Variants in ATXN10 observed in about 807,000 individuals in gnomAD.
ATXN10 encodes ataxin 10.
A neutral mutation model predicts 52.9 loss-of-function variants in ATXN10; 28 were observed. The observed-to-expected ratio is 0.53, with a 90% CI of 0.39 to 0.73. The LOEUF is 0.73. Among genes scored for constraint, ATXN10 ranks in the 30% least tolerant of loss-of-function variants. The probability of loss-of-function intolerance (pLI) is 0.00; values close to 1 mark genes in which losing one functional copy is unlikely to be tolerated. For synonymous variants in ATXN10, 226 were observed against 221.5 expected, an observed-to-expected ratio of 1.02 and a Z score of -0.18; for missense variants, 565 against 577.0, an observed-to-expected ratio of 0.98 and a Z score of 0.21.
In ATXN10 at chr22:45,738,752, C is replaced by G; in HGVS notation, c.916C>G (p.Leu306Val). The change falls in exon 8 of 12, where the codon CTT becomes GTT. Residue 306 changes from leucine to valine, a missense_variant. Physicochemically the swap from Leu to Val is conservative, Grantham distance 32. Coordinates refer to ENST00000252934, the MANE Select transcript of ATXN10 (RefSeq NM_013236.4). ...CTAGGAGGCACTGGCTACAATTAGG[C>G]TTCTCGACGTCCTGTGCGAAATGAC... ...DDEEALATIR[L>V]LDVLCEMTVN... 6.2e-7 allele frequency: 1 copy of G among 1,614,032 alleles called. No individual in the cohort carries two copies. Among genetic ancestry groups the G allele is most frequent in the African/African-American group, 1.3e-5 (1 of 75,032 alleles).
Position 45,708,512 on chromosome 22 carries a change from C to T in ATXN10, c.647+5665C>T, listed in dbSNP as rs757922917. On this transcript the variant is annotated intron_variant, in intron 5 of 11. Transcript: ENST00000252934. This position sits in a 1 kb window ranked among gnomAD's most constrained non-coding sequence, Gnocchi z 5.3. ...GCAGAGGCAGCATTGCAAGTGATGCCAAACTCGAGGGCCTATCCCATTTTT... is the reference window on the plus strand; with the variant it reads ...GCAGAGGCAGCATTGCAAGTGATGCTAAACTCGAGGGCCTATCCCATTTTT... Among the ~76,000 whole-genome samples, 7 of 152,208 alleles carry T rather than the reference C, an allele frequency of 4.6e-5. No homozygotes were observed. The highest frequency in any genetic ancestry group is 8.8e-5 in the Non-Finnish European group (6 of 68,030).
chr22:45,692,925 G>A, intron 2 of ATXN10, 71 bp from the exon 3 acceptor site: 2 of 1,267,802 alleles, frequency 1.6e-6, no homozygotes, highest in African/African-American at 2.9e-5. Context: ...TCCCATTGTA[G>A]TGCAAAAACA....
intron 7 of ATXN10, among the ~76,000 whole-genome samples, chr22:45,737,553 T>A (rs1383768070): frequency 6.6e-6 from 1 of 152,198 alleles, no homozygotes; most frequent in Non-Finnish European, 1.5e-5. Context: ...AAATATGAGT[T>A]GTTTTTTGCT....
In ATXN10 at chr22:45,837,133, T is replaced by TA; in HGVS notation, c.1238-5858_1238-5857insA. 6.6e-6 allele frequency among the ~76,000 whole-genome samples: 1 copy of TA among 152,336 alleles called. No individual in the cohort carries two copies. The highest frequency in any genetic ancestry group is 2.1e-4 in the South Asian group (1 of 4,828). On this transcript the variant is annotated intron_variant, in intron 10 of 11. Transcript: ENST00000252934. The surrounding 1 kb of genome is among the most constrained non-coding windows in gnomAD (Gnocchi z 5.8). ...ATATTACATATAATATATGTATCTG[T>TA]TATACAGATATTATAAATAAAGTCC...
At chr22:45,746,833 A>G (rs1027918365) in intron 9 of ATXN10, among the ~76,000 whole-genome samples, 1 of 152,142 alleles carries the variant, frequency 6.6e-6, no homozygotes, top group African/African-American at 2.4e-5. Context: ...CTGTGGGTAA[A>G]TAGGTTATGG....
chr22:45,687,428 T>C (rs574288660), intron 1 of ATXN10, among the ~76,000 whole-genome samples: 49 of 152,192 alleles, frequency 3.2e-4, no homozygotes, highest in Non-Finnish European at 5.9e-4. Flanking sequence ...GTGGTTCCCA[T>C]ATAAGAGGCA....
chr22:45,711,555 G>A (rs564390867), intron 5 of ATXN10, among the ~76,000 whole-genome samples: 7 of 152,278 alleles, frequency 4.6e-5, no homozygotes, highest in Admixed American at 4.6e-4. Flanking sequence ...TCCGCACATC[G>A]TGTCACTGTC....
At chr22:45,815,766 C>G (rs1928438237) in intron 10 of ATXN10, among the ~76,000 whole-genome samples, 1 of 152,204 alleles carries the variant, frequency 6.6e-6, no homozygotes, top group South Asian at 2.1e-4. Context: ...CCAGCTTTCT[C>G]TCACTCCAAG....
chr22:45,673,129 T>C (rs1053571076), intron 1 of ATXN10: 4 of 152,210 alleles, frequency 2.6e-5, no homozygotes, highest in African/African-American at 9.7e-5. Flanking sequence ...TACCTGTACA[T>C]AGCACTAAAT....
intron 9 of ATXN10, among the ~76,000 whole-genome samples, chr22:45,785,469 A>T (rs923910969): frequency 1.3e-5 from 2 of 152,258 alleles, no homozygotes; most frequent in South Asian, 4.1e-4. Context: ...TGCAACAAAA[A>T]TGCCCTAAGT....
chr22:45,710,340 A>G (rs1924198246), intron 5 of ATXN10, among the ~76,000 whole-genome samples: 1 of 152,136 alleles, frequency 6.6e-6, no homozygotes, highest in African/African-American at 2.4e-5. Flanking sequence ...ACCTTCCTTT[A>G]GATCTTCCCA....
intron 10 of ATXN10, among the ~76,000 whole-genome samples, chr22:45,822,290 C>T (rs1011904033): frequency 5.9e-5 from 9 of 152,134 alleles, no homozygotes; most frequent in African/African-American, 2.2e-4. Context: ...ATGTGTCCTG[C>T]TACACATATG....
intron 6 of ATXN10, among the ~76,000 whole-genome samples, chr22:45,721,815 T>G (rs1295235115): frequency 6.6e-6 from 1 of 152,162 alleles, no homozygotes; most frequent in Non-Finnish European, 1.5e-5. Flanking sequence ...CTCGGGAGGC[T>G]AAGCCAGGAG....
At chr22:45,809,507 C>T (rs1035741761) in intron 10 of ATXN10, among the ~76,000 whole-genome samples, 3 of 152,072 alleles carry the variant, frequency 2.0e-5, no homozygotes, top group African/African-American at 7.2e-5. Context: ...TGCTTTATTG[C>T]TGTTTCTTGA....
rs936169870 is a variant in ATXN10, at chr22:45,757,298, A to T, written c.1173+16760A>T. ...TCAGCTACACCCTCCTCCCTCCCCT[A>T]GCCCCACACAAAACAAAAATGCCTC... On this transcript the variant is annotated intron_variant, in intron 9 of 11. Coordinates refer to ENST00000252934, the MANE Select transcript of ATXN10 (RefSeq NM_013236.4). The surrounding 1 kb of genome is among the most constrained non-coding windows in gnomAD (Gnocchi z 4.6). Among the ~76,000 whole-genome samples the T allele has an allele frequency of 1.3e-5, 2 of 152,178 alleles. No individual in the cohort carries two copies. The highest frequency in any genetic ancestry group is 4.8e-5 in the African/African-American group (2 of 41,454).
At position 45,754,637 on chromosome 22, in the gene ATXN10, G is replaced by A. The variant is rs1016990212; in HGVS notation, c.1173+14099G>A. Among the ~76,000 whole-genome samples, 1 of 152,202 alleles carries A rather than the reference G, an allele frequency of 6.6e-6. No individual in the cohort carries two copies. Among genetic ancestry groups the A allele is most frequent in the Non-Finnish European group, 1.5e-5 (1 of 68,046 alleles). The stretch of plus-strand genomic sequence containing the variant: ...GGAGGCCGAGGCCAGCGGATCACCT[G>A]AGGTCAGGAGTTCGAGACCAGTCTG... On this transcript the variant is annotated intron_variant, in intron 9 of 11. Transcript: ENST00000252934. The surrounding 1 kb of genome is among the most constrained non-coding windows in gnomAD (Gnocchi z 5.4).
At chr22:45,672,510 G>C (rs1259428874) in intron 1 of ATXN10, 1 of 158,810 alleles carries the variant, frequency 6.3e-6, no homozygotes, top group African/African-American at 2.4e-5. Context: ...CGAGGGCTGC[G>C]CCAGGCCCTG....
At chr22:45,726,196 TTC>T (rs776931248) in intron 6 of ATXN10, among the ~76,000 whole-genome samples, 4 of 152,208 alleles carry the variant, frequency 2.6e-5, no homozygotes, top group Non-Finnish European at 5.9e-5. Flanking sequence ...TTAGGTAGGA[TTC>T]TCTCTTTCTC....
At chr22:45,764,553 G>A (rs1926517262) in intron 9 of ATXN10, among the ~76,000 whole-genome samples, 1 of 152,128 alleles carries the variant, frequency 6.6e-6, no homozygotes. Flanking sequence ...TGGTAGTTTC[G>A]TTGACTTTTT....
Sources: gnomAD v4.1 joint callset for allele counts (sites outside exome capture counted in the v4.1 genomes callset) on GRCh38, gnomAD v4.1.1 for gene constraint, Gnocchi (gnomAD v3.1) non-coding constraint, MANE v1.5 for transcripts, NCBI Gene and HGNC (gene_info 2026-07-23, HGNC 2026-07-21) for gene names.